CFAP77: variants seen among roughly 807,000 people sequenced by gnomAD.
CFAP77 encodes cilia and flagella associated protein 77.
In CFAP77, 25 loss-of-function variants were observed where a neutral mutation model predicts 31.1. The observed-to-expected ratio is 0.80, with a 90% confidence interval of 0.59 to 1.12. CFAP77 has a LOEUF of 1.12. Among genes scored for constraint, CFAP77 ranks in the 50% most tolerant of loss-of-function variants. The probability of loss-of-function intolerance (pLI) is 0.00; values close to 1 mark genes in which losing one functional copy is unlikely to be tolerated. For synonymous variants in CFAP77, 151 were observed against 159.9 expected, an observed-to-expected ratio of 0.94 and a Z score of 0.42; for missense variants, 377 against 397.3, an observed-to-expected ratio of 0.95 and a Z score of 0.44.
At chr9:132,518,252 G>A (rs904541474) in intron 3 of CFAP77, among the ~76,000 whole-genome samples, 3 of 152,138 alleles carry the variant, frequency 2.0e-5, no homozygotes, top group Admixed American at 6.5e-5. Context: ...GGACTCCTTT[G>A]TGTAGGGGAA....
chr9:132,490,331 G>C lies in CFAP77; in HGVS notation c.196-8364G>C, dbSNP rs919254883. The stretch of plus-strand genomic sequence containing the variant: ...TAGCACCATGGAAAAGCAGGTGACC[G>C]TCAAGCCTCAGGTGGCCCCTGTGTT... On this transcript the variant is annotated intron_variant, in intron 1 of 5. Coordinates refer to ENST00000393216, the MANE Select transcript of CFAP77 (RefSeq NM_001282957.2). The surrounding 1 kb of genome is among the most constrained non-coding windows in gnomAD (Gnocchi z 4.6). 4.6e-5 allele frequency among the ~76,000 whole-genome samples: 7 copies of C among 152,166 alleles called. No homozygotes were observed. Among genetic ancestry groups the C allele is most frequent in the African/African-American group, 1.7e-4 (7 of 41,432 alleles).
At position 132,511,779 on chromosome 9, in the gene CFAP77, C is replaced by T. The variant is rs1275416327; in HGVS notation, c.524+12179C>T. 2.6e-5 allele frequency among the ~76,000 whole-genome samples: 4 copies of T among 152,150 alleles called. No homozygotes were observed. Among genetic ancestry groups the T allele is most frequent in the Admixed American group, 2.0e-4 (3 of 15,280 alleles). ...CTTAAAATAACAAAAATGAAGCGGC[C>T]GCGCGGCGGCTCACGCCTGTCATCC... On this transcript the variant is annotated intron_variant, in intron 3 of 5. Coordinates refer to ENST00000393216, the MANE Select transcript of CFAP77 (RefSeq NM_001282957.2). This position sits in a 1 kb window ranked among gnomAD's most constrained non-coding sequence, Gnocchi z 5.8.
intron 1 of CFAP77, among the ~76,000 whole-genome samples, chr9:132,493,619 C>G (rs989385771): frequency 5.9e-5 from 9 of 152,186 alleles, no homozygotes; most frequent in African/African-American, 2.2e-4. Flanking sequence ...CATCATGACA[C>G]CTAAAGCCCC....
At chr9:132,520,195 A>G (rs1329063063) in intron 3 of CFAP77, among the ~76,000 whole-genome samples, 1 of 151,824 alleles carries the variant, frequency 6.6e-6, no homozygotes, top group African/African-American at 2.4e-5. Flanking sequence ...TTCCTCTGCT[A>G]TAACTCCTGC....
At chr9:132,415,189 TC>T (rs777776559) in intron 1 of CFAP77, among the ~76,000 whole-genome samples, 2 of 152,122 alleles carry the variant, frequency 1.3e-5, no homozygotes, top group Non-Finnish European at 2.9e-5. Context: ...AATGGCCCCA[TC>T]TTGGAGGGCC....
At position 132,481,782 on chromosome 9, in the gene CFAP77, G is replaced by A. The variant is rs2118905833; in HGVS notation, c.196-16913G>A. ...CTCCTCCGCCTCAGCTATCTGCTAT[G>A]CTAACAGGTCAGCTGCCATTTTGTG... On this transcript the variant is annotated intron_variant, in intron 1 of 5. Coordinates refer to ENST00000393216, the MANE Select transcript of CFAP77 (RefSeq NM_001282957.2). The surrounding 1 kb of genome is among the most constrained non-coding windows in gnomAD (Gnocchi z 5.0). 6.6e-6 allele frequency among the ~76,000 whole-genome samples: 1 copy of A among 152,304 alleles called. No individual in the cohort carries two copies. The highest frequency in any genetic ancestry group is 2.1e-4 in the South Asian group (1 of 4,822).
intron 1 of CFAP77, among the ~76,000 whole-genome samples, chr9:132,449,935 T>C (rs1004755609): frequency 1.3e-5 from 2 of 151,920 alleles, no homozygotes; most frequent in East Asian, 1.9e-4. Context: ...TGTTTTGAGA[T>C]GGAGTCTCGC....
intron 5 of CFAP77, among the ~76,000 whole-genome samples, chr9:132,569,735 T>C (rs1166106): frequency 1.8e-4 from 23 of 125,680 alleles, no homozygotes; most frequent in African/African-American, 6.3e-4. Flanking sequence ...GCCCTTTTTT[T>C]TTTTTTTTTT....
At chr9:132,530,844 G>A (rs1852432318) in intron 3 of CFAP77, among the ~76,000 whole-genome samples, 1 of 152,098 alleles carries the variant, frequency 6.6e-6, no homozygotes, top group Non-Finnish European at 1.5e-5. Flanking sequence ...AACTCTTTAC[G>A]TAGCCTTAGA....
At chr9:132,445,546 G>A (rs1850694667) in intron 1 of CFAP77, among the ~76,000 whole-genome samples, 3 of 152,190 alleles carry the variant, frequency 2.0e-5, no homozygotes. Flanking sequence ...CTATGAAGAT[G>A]GGGGCACAGG....
At chr9:132,461,829 G>A (rs1418136206) in intron 1 of CFAP77, among the ~76,000 whole-genome samples, 1 of 152,182 alleles carries the variant, frequency 6.6e-6, no homozygotes, top group Non-Finnish European at 1.5e-5. Flanking sequence ...CACTTCATCC[G>A]CCTCACAGAG....
At position 132,498,381 on chromosome 9, in the gene CFAP77, A is replaced by T. The variant is rs1851779731; in HGVS notation, c.196-314A>T. Reference sequence around the variant, plus strand: ...GCCAGCCAGGTCTAGGCTGCACCCCAAACACAGCGGCTCAGCTCGGGGACT... The same window carrying T: ...GCCAGCCAGGTCTAGGCTGCACCCCTAACACAGCGGCTCAGCTCGGGGACT... On this transcript the variant is annotated intron_variant, in intron 1 of 5. Transcript: ENST00000393216. The surrounding 1 kb of genome is among the most constrained non-coding windows in gnomAD (Gnocchi z 4.2). 6.6e-6 allele frequency among the ~76,000 whole-genome samples: 1 copy of T among 152,106 alleles called. No homozygotes were observed. The highest frequency in any genetic ancestry group is 1.5e-5 in the Non-Finnish European group (1 of 68,004).
intron 5 of CFAP77, among the ~76,000 whole-genome samples, chr9:132,569,105 C>G (rs887422167): frequency 6.6e-6 from 1 of 152,142 alleles, no homozygotes; most frequent in Non-Finnish European, 1.5e-5. Flanking sequence ...TTAGGTAGAT[C>G]AATCATACCT....
chr9:132,410,348 G>C lies in CFAP77; in HGVS notation c.77G>C (p.Ser26Thr), dbSNP rs1170669490. The change falls in exon 1 of 6, where the codon AGC becomes ACC. Residue 26 changes from serine (S) to threonine (T), a missense_variant. Transcript: ENST00000393216. ...CAGCAGCCTGTGCGCCGCACGGTCA[G>C]CCAGGTCTGCCCGCCCCCGCGGCGG... Reference protein sequence around the residue: ...KQQQPVRRTVSQVCPPPRRPL... With the variant: ...KQQQPVRRTVTQVCPPPRRPL... The C allele has an allele frequency of 1.3e-6, 2 of 1,597,880 alleles. No homozygotes were observed. Among genetic ancestry groups the C allele is most frequent in the Non-Finnish European group, 1.7e-6 (2 of 1,173,570 alleles).
chr9:132,516,943 C>T (rs367700097), intron 3 of CFAP77, among the ~76,000 whole-genome samples: 197 of 152,302 alleles, frequency 1.3e-3, no homozygotes, highest in African/African-American at 4.4e-3. Flanking sequence ...ACTTGACAGT[C>T]GGACAGCCAC....
chr9:132,567,173 C>T (rs574687204), intron 5 of CFAP77, among the ~76,000 whole-genome samples: 14 of 152,260 alleles, frequency 9.2e-5, no homozygotes, highest in Admixed American at 2.6e-4. Context: ...CTCCCAGTGT[C>T]GGCACACAGC....
intron 5 of CFAP77, among the ~76,000 whole-genome samples, chr9:132,563,241 C>T (rs766823885): frequency 5.9e-5 from 9 of 152,052 alleles, no homozygotes; most frequent in Non-Finnish European, 1.2e-4. Context: ...TCTCGAACTT[C>T]GAGTTTAAGC....
chr9:132,569,946 G>A (rs1829936410), intron 5 of CFAP77, among the ~76,000 whole-genome samples: 1 of 152,042 alleles, frequency 6.6e-6, no homozygotes, highest in Non-Finnish European at 1.5e-5. Flanking sequence ...ATGTTGGCCA[G>A]GCTGGTCTCA....
chr9:132,499,519 G>A lies in CFAP77; in HGVS notation c.443G>A (p.Arg148His), dbSNP rs11243798. 4.8e-3 allele frequency: 7,711 copies of A among 1,614,172 alleles called. 20 individuals carry two copies. The highest frequency in any genetic ancestry group is 5.5e-3 in the Non-Finnish European group (6,488 of 1,180,026). The change falls in exon 3 of 6, where the codon CGC (arginine) becomes CAC (histidine). Residue 148 changes from arginine (R) to histidine (H), a missense_variant. Transcript: ENST00000393216. This position sits in a 1 kb window ranked among gnomAD's most constrained non-coding sequence, Gnocchi z 5.4. ...CTCTACCGTCAGCTCAATGACATCC[G>A]CATCAGTGACCAGGATGACCGGCGC... ...NLLYRQLNDI[R>H]ISDQDDRRMK...
Sources: gnomAD v4.1 joint callset for allele counts (sites outside exome capture counted in the v4.1 genomes callset) on GRCh38, gnomAD v4.1.1 for gene constraint, Gnocchi (gnomAD v3.1) non-coding constraint, MANE v1.5 for transcripts, NCBI Gene and HGNC (gene_info 2026-07-23, HGNC 2026-07-21) for gene names.